ANK2: variants seen among roughly 807,000 people sequenced by gnomAD.
ANK2 encodes ankyrin-2.
A neutral mutation model predicts 360.5 loss-of-function variants in ANK2; 83 were observed. That is an observed-to-expected ratio of 0.23 (90% CI 0.19 to 0.28). ANK2 has a LOEUF of 0.28. Among genes scored for constraint, ANK2 ranks in the 10% least tolerant of loss-of-function variants. The probability of loss-of-function intolerance (pLI) is 1.00; values close to 1 mark genes in which losing one functional copy is unlikely to be tolerated. For missense variants in ANK2, 4,201 were observed against 4,795.7 expected, an observed-to-expected ratio of 0.88 and a Z score of 3.66; for synonymous variants, 1,740 against 1,759.5, an observed-to-expected ratio of 0.99 and a Z score of 0.28.
chr4:113,166,294 G>A (rs905912936), intron 1 of ANK2, among the ~76,000 whole-genome samples: 6 of 151,998 alleles, frequency 3.9e-5, no homozygotes, highest in African/African-American at 1.4e-4. Context: ...ATTTTATGAA[G>A]CCAAACTAAT....
chr4:113,259,808 T>C (rs1198236439), intron 13 of ANK2, among the ~76,000 whole-genome samples: 1 of 150,454 alleles, frequency 6.6e-6, no homozygotes, highest in Non-Finnish European at 1.5e-5. Flanking sequence ...CTACCTTTTT[T>C]TTTCTTTTTT....
chr4:113,143,275 G>A (rs1192318240), intron 1 of ANK2, among the ~76,000 whole-genome samples: 1 of 152,248 alleles, frequency 6.6e-6, no homozygotes, highest in East Asian at 1.9e-4. Flanking sequence ...CAAGAGAAAG[G>A]AAAGCTTTAA....
At chr4:113,156,630 T>C (rs2097308910) in intron 1 of ANK2, among the ~76,000 whole-genome samples, 1 of 152,048 alleles carries the variant, frequency 6.6e-6, no homozygotes, top group African/African-American at 2.4e-5. Context: ...CCCAAAGTGC[T>C]GGGATTACAG....
At chr4:112,946,628 G>A (rs1046511881) in intron 2 of ANK2, among the ~76,000 whole-genome samples, 4 of 152,262 alleles carry the variant, frequency 2.6e-5, no homozygotes, top group East Asian at 1.9e-4. Context: ...GAAACTGGGA[G>A]CATATCAGAT....
intron 1 of ANK2, among the ~76,000 whole-genome samples, chr4:113,069,238 A>G (rs1169731940): frequency 6.6e-6 from 1 of 152,172 alleles, no homozygotes; most frequent in Admixed American, 6.5e-5. Flanking sequence ...TCAGAGAGAA[A>G]TGAAGAGAAG....
chr4:112,908,063 A>G (rs758541659), intron 2 of ANK2, among the ~76,000 whole-genome samples: 2 of 152,236 alleles, frequency 1.3e-5, no homozygotes, highest in Non-Finnish European at 2.9e-5. Context: ...GAAAACATCC[A>G]TAAAGATGGG....
rs758810599 is a variant in ANK2, at chr4:113,144,792, AAT to A, written c.85-29618_85-29617del. Among the ~76,000 whole-genome samples the A allele has an allele frequency of 1.5e-3, 225 of 147,212 alleles. No homozygotes were observed. The Middle Eastern group carries it at 0.018, about 12-fold the overall frequency. On this transcript the variant is annotated intron_variant, in intron 1 of 45. Transcript: ENST00000357077. Reference sequence around the variant, plus strand: ...AAACTATATACTACTTAAACTATATAATATATAAAAATTTATATATAAATATA... The same window carrying A: ...AAACTATATACTACTTAAACTATATAATATAAAAATTTATATATAAATATA...
At chr4:113,366,638 T>C (rs923467757) in intron 41 of ANK2, among the ~76,000 whole-genome samples, 1 of 152,120 alleles carries the variant, frequency 6.6e-6, no homozygotes, top group Non-Finnish European at 1.5e-5. Flanking sequence ...CACCCTAGCA[T>C]GTTCTTTCCT....
intron 2 of ANK2, among the ~76,000 whole-genome samples, chr4:112,975,059 C>T (rs2154268272): frequency 6.6e-6 from 1 of 152,340 alleles, no homozygotes; most frequent in Non-Finnish European, 1.5e-5. Flanking sequence ...TACCCACTCT[C>T]AGCCCAGTCC....
intron 45 of ANK2, among the ~76,000 whole-genome samples, chr4:113,373,975 A>G (rs2096836053): frequency 9.2e-5 from 14 of 152,210 alleles, no homozygotes; most frequent in Admixed American, 8.5e-4. Context: ...CCCAGGCTGG[A>G]GAGCAGTGGC....
At chr4:112,924,628 A>T (rs987561463) in intron 2 of ANK2, among the ~76,000 whole-genome samples, 1 of 151,946 alleles carries the variant, frequency 6.6e-6, no homozygotes, top group Non-Finnish European at 1.5e-5. Flanking sequence ...CTTTTAAAGA[A>T]ATTGTAATGA....
intron 2 of ANK2, among the ~76,000 whole-genome samples, chr4:112,932,872 G>T (rs1390023601): frequency 6.6e-6 from 1 of 152,032 alleles, no homozygotes. Flanking sequence ...TAATGTAAAA[G>T]TTCAATGATC....
At chr4:113,139,968 C>T (rs1330954601) in intron 1 of ANK2, among the ~76,000 whole-genome samples, 1 of 152,040 alleles carries the variant, frequency 6.6e-6, no homozygotes, top group Admixed American at 6.5e-5. Flanking sequence ...TTATATTGAC[C>T]TCAATTAGAA....
chr4:112,706,237 G>A, the ANK2 span, among the ~76,000 whole-genome samples: 1 of 152,106 alleles, frequency 6.6e-6, no homozygotes, highest in Non-Finnish European at 1.5e-5. Context: ...CAAAGTGCGG[G>A]AGGGGCGCCG....
chr4:112,733,093 T>C, the ANK2 span, among the ~76,000 whole-genome samples: 2 of 152,186 alleles, frequency 1.3e-5, no homozygotes, highest in Admixed American at 6.5e-5. Context: ...GGCGGGCACC[T>C]GTAATCCCAG....
At chr4:113,234,809 C>T (rs1237464892) in intron 5 of ANK2, among the ~76,000 whole-genome samples, 1 of 152,114 alleles carries the variant, frequency 6.6e-6, no homozygotes, top group Admixed American at 6.5e-5. Flanking sequence ...TTTTAAATTT[C>T]CCATAATTAT....
intron 1 of ANK2, among the ~76,000 whole-genome samples, chr4:112,893,578 A>T (rs566983703): frequency 6.6e-6 from 1 of 152,238 alleles, no homozygotes; most frequent in Admixed American, 6.5e-5. Flanking sequence ...ACACACTGTC[A>T]TAATAATGAC....
intron 45 of ANK2, among the ~76,000 whole-genome samples, chr4:113,376,664 C>A (rs1386378390): frequency 6.6e-6 from 1 of 152,100 alleles, no homozygotes; most frequent in Non-Finnish European, 1.5e-5. Context: ...TAACTTTTGA[C>A]TCTTTTGTAA....
At chr4:113,375,716 A>G (rs900664124) in intron 45 of ANK2, among the ~76,000 whole-genome samples, 4 of 149,692 alleles carry the variant, frequency 2.7e-5, no homozygotes, top group African/African-American at 9.9e-5. Flanking sequence ...CAGAGCGAGA[A>G]TTCGTCTCAA....
Sources: gnomAD v4.1 joint callset for allele counts (sites outside exome capture counted in the v4.1 genomes callset) on GRCh38, gnomAD v4.1.1 for gene constraint, MANE v1.5 for transcripts, NCBI Gene and HGNC (gene_info 2026-07-23, HGNC 2026-07-21) for gene names.